Variants in CS observed in about 807,000 individuals in gnomAD.
CS encodes the protein citrate synthase, also known as citrate synthase, mitochondrial.
Under a neutral mutation model 61.4 loss-of-function variants are expected in CS, and 13 were observed. The ratio of observed to expected loss-of-function variants is 0.21; its 90% CI spans 0.14 to 0.34. The LOEUF (loss-of-function observed/expected upper bound fraction) is 0.34, where lower values mean the gene tolerates loss of function less well. CS is among the 10% of genes least tolerant of loss of function. The pLI is 1.00. For synonymous variants in CS, 159 were observed against 215.2 expected (o/e 0.74, Z 2.29); for missense variants, 278 against 573.4 (o/e 0.48, Z 5.26).
At chr12:56,288,903 C>T (rs1049249234) in intron 1 of CS, among the ~76,000 whole-genome samples, 19 of 152,040 alleles carry the variant, frequency 1.2e-4, no homozygotes, top group African/African-American at 3.4e-4. Flanking sequence ...TCAAGTGATC[C>T]TCCATTTTCA....
chr12:56,276,213 A>C lies in CS; in HGVS notation c.589-18T>G, dbSNP rs143976761. On this transcript the variant is annotated intron_variant, in intron 6 of 10. Transcript: ENST00000351328. ...TAAATCAACTGACAGAAGAGGAGCA[A>C]GATGGAGAAAAAAAAAGGAATTATC... 15 of 1,611,768 alleles carry C rather than the reference A, an allele frequency of 9.3e-6. No individual in the cohort carries two copies. Among genetic ancestry groups the C allele is most frequent in the Admixed American group, 1.7e-5 (1 of 59,976 alleles).
intron 4 of CS, among the ~76,000 whole-genome samples, chr12:56,283,410 A>G (rs2135916571): frequency 6.6e-6 from 1 of 152,072 alleles, no homozygotes; most frequent in East Asian, 1.9e-4. Context: ...TGCCCGGCTA[A>G]TTTTGTGTGT....
intron 5 of CS, 96 bp from the exon 6 acceptor site, chr12:56,282,704 G>A (rs1005574214): frequency 2.6e-6 from 4 of 1,519,062 alleles, no homozygotes; most frequent in Non-Finnish European, 3.6e-6. Flanking sequence ...AAACCCAAGA[G>A]AGGTCAACCC....
chr12:56,286,668 T>G, intron 1 of CS, 23 bp from the exon 2 acceptor site: 1 of 1,609,372 alleles, frequency 6.2e-7, no homozygotes, highest in Non-Finnish European at 8.5e-7. Context: ...AAAGAGAACC[T>G]TATGTAACTG....
At chr12:56,284,479 A>ACGG (rs1872874298) in intron 3 of CS, among the ~76,000 whole-genome samples, 1 of 151,772 alleles carries the variant, frequency 6.6e-6, no homozygotes, top group Non-Finnish European at 1.5e-5. Flanking sequence ...TGGCACAATC[A>ACGG]CGGCTTACTG....
intron 1 of CS, among the ~76,000 whole-genome samples, chr12:56,294,473 C>CAAAAAAAAAAAAAAAAAA (rs1227364181): frequency 2.7e-5 from 1 of 36,920 alleles, no homozygotes; most frequent in African/African-American, 1.1e-4. Flanking sequence ...GACTCTGTCT[C>CAAAAAAAAAAAAAAAAAA]AAAAAAAAAA....
Position 56,282,457 on chromosome 12 carries a change from G to A in CS, c.551C>T (p.Ala184Val), listed in dbSNP as rs749458351. The A allele has an allele frequency of 1.9e-6, 3 of 1,612,710 alleles. No homozygotes were observed. In the Admixed American group the frequency reaches 5.0e-5, roughly 27 times the overall value. ...ALNSESNFAR[A>V]YAQGISRTKY... ...GGTTCGGCTGATACCCTGTGCATAT[G>A]CTCGGGCAAAGTTACTTTCACTGTT... The change falls in exon 6 of 11, where the codon GCA becomes GTA. Residue 184 changes from alanine (A) to valine (V), a missense_variant. By Grantham distance (64) the Ala-to-Val change is moderately conservative. Coordinates refer to ENST00000351328, the MANE Select transcript of CS (RefSeq NM_004077.3).
At chr12:56,290,560 G>C (rs1873090285) in intron 1 of CS, among the ~76,000 whole-genome samples, 1 of 151,858 alleles carries the variant, frequency 6.6e-6, no homozygotes, top group African/African-American at 2.4e-5. Flanking sequence ...CATGTTTTTT[G>C]CTAAACCTGA....
chr12:56,279,296 C>A (rs1872706293), intron 6 of CS, among the ~76,000 whole-genome samples: 1 of 152,174 alleles, frequency 6.6e-6, no homozygotes, highest in Non-Finnish European at 1.5e-5. Context: ...AAGAAATGTT[C>A]TGTGCAGAAG....
chr12:56,285,858 C>G (rs1872924822), intron 3 of CS, 58 bp downstream of exon 3: 1 of 1,359,194 alleles, frequency 7.4e-7, no homozygotes, highest in Non-Finnish European at 1.1e-6. Context: ...GAGAATGTTA[C>G]TTTTGTTGAA....
At chr12:56,295,196 G>C (rs1462683647) in intron 1 of CS, among the ~76,000 whole-genome samples, 1 of 151,774 alleles carries the variant, frequency 6.6e-6, no homozygotes, top group Admixed American at 6.6e-5. Context: ...CAAAGTGCTG[G>C]AATTATAGAC....
In CS at chr12:56,281,407, C is replaced by G. The variant is rs373766719; in HGVS notation, c.588+1013G>C. ...TTCAGAGAATAAAGCTCATTTGTTT[C>G]TGGATCTGGAGCCTACTCCAAGGAT... is the stretch of plus-strand genomic sequence containing the variant. On this transcript the variant is annotated intron_variant, in intron 6 of 10. Coordinates refer to ENST00000351328, the MANE Select transcript of CS (RefSeq NM_004077.3). Among the ~76,000 whole-genome samples the G allele has an allele frequency of 2.0e-5, 3 of 152,304 alleles. No individual in the cohort carries two copies. In the East Asian group the frequency reaches 5.8e-4, roughly 29 times the overall value.
chr12:56,286,080 C>A, intron 2 of CS, 57 bp from the exon 3 acceptor site: 1 of 1,455,010 alleles, frequency 6.9e-7, no homozygotes, highest in Non-Finnish European at 9.6e-7. Context: ...AGATTTCCTG[C>A]AAAGTAGGTG....
chr12:56,273,474 A>G (rs1353911952), intron 10 of CS, 113 bp downstream of exon 10: 8 of 1,154,018 alleles, frequency 6.9e-6, no homozygotes, highest in Non-Finnish European at 3.8e-6. Flanking sequence ...CTTTATCAAA[A>G]TGCTCTGTGA....
chr12:56,298,621 C>A lies in CS; in HGVS notation c.42+1539G>T, dbSNP rs1024131009. 5.1e-6 allele frequency: 5 copies of A among 985,332 alleles called. No individual in the cohort carries two copies. The African/African-American group carries it at 8.7e-5, about 17-fold the overall frequency. The allele number at this position is 985,332 out of a possible 1,614,324, so 61.0% of individuals were successfully genotyped here. A position where few individuals can be genotyped will look rare whatever the true frequency, so the allele number is the denominator to read the frequency against. The stretch of plus-strand genomic sequence containing the variant: ...GAGGTTTCCTTACCCTTTTCCCCAG[C>A]AGCAGGAGAAGCAACAGCCAAGTAA... On this transcript the variant is annotated intron_variant, in intron 1 of 10. Transcript: ENST00000351328.
chr12:56,291,341 C>A, intron 1 of CS: 1 of 877,456 alleles, frequency 1.1e-6, no homozygotes, highest in Non-Finnish European at 1.4e-6. Flanking sequence ...AATTTTCTTT[C>A]TTTCTTTCTT....
chr12:56,291,157 C>T, intron 1 of CS: 1 of 847,586 alleles, frequency 1.2e-6, no homozygotes, highest in Non-Finnish European at 1.6e-6. Flanking sequence ...TAGAACAGTG[C>T]TTTGTGCATA....
rs764300256 is a variant in CS at position 56,273,283 on chromosome 12, T to C, written c.1231-29A>G. ...TAAGGTAGAAGAGAAAAATATTTCA[T>C]TTAAGGCAGAGGCAGTGGCATGTAC... On this transcript the variant is annotated intron_variant, in intron 10 of 10. Transcript: ENST00000351328. 2 of 1,607,844 alleles carry C rather than the reference T, an allele frequency of 1.2e-6. 1 individual carries two copies. Among genetic ancestry groups the C allele is most frequent in the Admixed American group, 3.4e-5 (2 of 59,574 alleles).
At chr12:56,287,942 G>A (rs1219154267) in intron 1 of CS, among the ~76,000 whole-genome samples, 1 of 152,160 alleles carries the variant, frequency 6.6e-6, no homozygotes, top group East Asian at 1.9e-4. Context: ...ACAGGCGTAA[G>A]CCACCATGCC....
Sources: gnomAD v4.1 joint callset for allele counts (sites outside exome capture counted in the v4.1 genomes callset) on GRCh38, gnomAD v4.1.1 for gene constraint, MANE v1.5 for transcripts, NCBI Gene and HGNC (gene_info 2026-07-23, HGNC 2026-07-21) for gene names.